PHKB: variants seen among roughly 807,000 people sequenced by gnomAD.
PHKB encodes the protein phosphorylase b kinase regulatory subunit beta.
A neutral mutation model predicts 152.1 loss-of-function variants in PHKB; 122 were observed. That is an observed-to-expected ratio of 0.80 (90% CI 0.69 to 0.93). The LOEUF (loss-of-function observed/expected upper bound fraction) is 0.93, where lower values mean the gene tolerates loss of function less well. Among genes scored for constraint, PHKB ranks in the 40% least tolerant of loss-of-function variants. PHKB has a pLI of 0.00. For synonymous variants in PHKB, 436 were observed against 464.9 expected (o/e 0.94, Z 0.80); for missense variants, 1,304 against 1,328.4 (o/e 0.98, Z 0.29).
rs866003972 is a variant in PHKB, at chr16:47,682,441, T to C, written c.2631-6600T>C. Among the ~76,000 whole-genome samples, 96 of 152,330 alleles carry C rather than the reference T, an allele frequency of 6.3e-4. No individual in the cohort carries two copies. In the Middle Eastern group the frequency reaches 0.014, roughly 22 times the overall value. The stretch of plus-strand genomic sequence containing the variant: ...TGCTCTTTTCACATAGTCCCATATT[T>C]CTTGGAGGCTTTGTTCGTTTCTTTT... On this transcript the variant is annotated intron_variant, in intron 26 of 30. Coordinates refer to ENST00000323584, the MANE Select transcript of PHKB (RefSeq NM_000293.3).
chr16:47,628,754 G>A (rs769021724), intron 14 of PHKB, among the ~76,000 whole-genome samples: 37 of 152,048 alleles, frequency 2.4e-4, no homozygotes, highest in East Asian at 7.7e-4. Flanking sequence ...GAGGCATCAC[G>A]CTACCTGACT....
At chr16:47,507,012 C>T (rs1295565394) in intron 4 of PHKB, among the ~76,000 whole-genome samples, 1 of 152,104 alleles carries the variant, frequency 6.6e-6, no homozygotes, top group East Asian at 1.9e-4. Flanking sequence ...CTCTCTGGGT[C>T]ACCCAGGCTT....
Position 47,547,465 on chromosome 16 carries a change from G to A in PHKB, c.627G>A (p.Val209=), listed in dbSNP as rs752188211. 4 of 1,611,296 alleles carry A rather than the reference G, an allele frequency of 2.5e-6. No homozygotes were observed. The South Asian group carries it at 4.4e-5, about 18-fold the overall frequency. ...VSFIQNLVFC[V]ERVYRVPDFG... ...TTATTCAAAACCTTGTATTTTGTGT[G>A]GAAAGAGTTTACCGTGTGCCTGACT... The change falls in exon 7 of 31, where the codon GTG becomes GTA. Residue 209 remains valine, a synonymous_variant. Transcript: ENST00000323584.
chr16:47,617,132 G>A (rs749577044), intron 14 of PHKB, among the ~76,000 whole-genome samples: 2 of 150,584 alleles, frequency 1.3e-5, no homozygotes, highest in African/African-American at 2.4e-5. Flanking sequence ...CCAGTTTATG[G>A]CCAGATTTGG....
At chr16:47,654,860 A>C (rs1283501618) in intron 20 of PHKB, among the ~76,000 whole-genome samples, 2 of 151,782 alleles carry the variant, frequency 1.3e-5, no homozygotes, top group Admixed American at 6.6e-5. Context: ...CTAAATGACG[A>C]GTTAATGGGT....
At chr16:47,574,217 A>G (rs1362430351) in intron 7 of PHKB, among the ~76,000 whole-genome samples, 1 of 152,030 alleles carries the variant, frequency 6.6e-6, no homozygotes, top group Non-Finnish European at 1.5e-5. Context: ...ATCACTTCTC[A>G]TATGCTCCTT....
chr16:47,518,625 G>A (rs1165040283), intron 6 of PHKB, among the ~76,000 whole-genome samples: 1 of 152,104 alleles, frequency 6.6e-6, no homozygotes, highest in Non-Finnish European at 1.5e-5. Context: ...ATTTCCTAGT[G>A]TCTGTAATAG....
At chr16:47,564,411 A>G (rs1343507183) in intron 7 of PHKB, among the ~76,000 whole-genome samples, 1 of 152,024 alleles carries the variant, frequency 6.6e-6, no homozygotes, top group African/African-American at 2.4e-5. Flanking sequence ...TTTAATATGC[A>G]TTTCCCTGAT....
intron 16 of PHKB, among the ~76,000 whole-genome samples, chr16:47,643,844 T>G (rs1973067971): frequency 6.6e-6 from 1 of 152,172 alleles, no homozygotes; most frequent in South Asian, 2.1e-4. Flanking sequence ...ATATTCATGA[T>G]GTGATGACTG....
intron 7 of PHKB, among the ~76,000 whole-genome samples, chr16:47,572,080 A>C (rs189188006): frequency 7.9e-4 from 120 of 152,296 alleles, no homozygotes; most frequent in African/African-American, 2.8e-3. Flanking sequence ...TCCTCAAGCA[A>C]AACAAATGAT....
chr16:47,481,907 A>G (rs867608408), intron 1 of PHKB, among the ~76,000 whole-genome samples: 9 of 152,290 alleles, frequency 5.9e-5, no homozygotes, highest in Middle Eastern at 3.4e-3. Context: ...AAGACCTTCC[A>G]TGACCTTTTA....
In PHKB at chr16:47,594,173, A is replaced by G; in HGVS notation, c.1163A>G (p.Tyr388Cys). The G allele has an allele frequency of 6.3e-7, 1 of 1,582,816 alleles. No homozygotes were observed. The highest frequency in any genetic ancestry group is 8.7e-7 in the Non-Finnish European group (1 of 1,151,818). Residue 388 changes from tyrosine (Y) to cysteine (C), a missense_variant, in exon 12 of 31, where the codon TAT (tyrosine) becomes TGT (cysteine). By Grantham distance (194) the Tyr-to-Cys change is radical (BLOSUM62 -2). Transcript: ENST00000323584. ...GGCAATCCTAAGCAAGTACAGGAATATCAGGATCTTTTGACTCCAGTACTT... is the reference window on the plus strand; with the variant it reads ...GGCAATCCTAAGCAAGTACAGGAATGTCAGGATCTTTTGACTCCAGTACTT... ...FRGNPKQVQE[Y>C]QDLLTPVLHH... is the part of the protein sequence containing the mutation.
intron 14 of PHKB, among the ~76,000 whole-genome samples, chr16:47,611,687 C>G (rs1307039817): frequency 1.3e-5 from 2 of 152,022 alleles, no homozygotes; most frequent in African/African-American, 4.8e-5. Flanking sequence ...CACACACACA[C>G]AGAGCAATAA....
At position 47,616,703 on chromosome 16, in the gene PHKB, A is replaced by G. The variant is rs552089541; in HGVS notation, c.1458+5783A>G. ...CATATAAATATTATATATTGCCCAGACCAGCTCGGCTGTGTAGAACCTAAC... is the reference window on the plus strand; with the variant it reads ...CATATAAATATTATATATTGCCCAGGCCAGCTCGGCTGTGTAGAACCTAAC... On this transcript the variant is annotated intron_variant, in intron 14 of 30. Coordinates refer to ENST00000323584, the MANE Select transcript of PHKB (RefSeq NM_000293.3). 7.4e-5 allele frequency among the ~76,000 whole-genome samples: 11 copies of G among 149,324 alleles called. No individual in the cohort carries two copies. The Admixed American group carries it at 7.4e-4, about 10-fold the overall frequency.
intron 13 of PHKB, among the ~76,000 whole-genome samples, chr16:47,599,687 CT>C (rs1972186495): frequency 6.6e-6 from 1 of 152,156 alleles, no homozygotes; most frequent in South Asian, 2.1e-4. Flanking sequence ...TCTCTTTTCC[CT>C]GCTGATCTTC....
At chr16:47,652,990 CTT>C (rs35096208) in intron 20 of PHKB, among the ~76,000 whole-genome samples, 6 of 142,102 alleles carry the variant, frequency 4.2e-5, no homozygotes, top group Admixed American at 2.1e-4. Context: ...TGATATTGAG[CTT>C]TTTTTTTTTT....
intron 7 of PHKB, among the ~76,000 whole-genome samples, chr16:47,558,100 T>G: frequency 6.6e-6 from 1 of 150,796 alleles, no homozygotes. Context: ...TGGATGAAAT[T>G]GGAAATCATC....
intron 7 of PHKB, among the ~76,000 whole-genome samples, chr16:47,571,888 G>A (rs537965224): frequency 1.3e-5 from 2 of 152,232 alleles, no homozygotes; most frequent in South Asian, 4.2e-4. Context: ...TTGTCCCAAG[G>A]GGTGTTCCCT....
chr16:47,692,662 T>C (rs1035449927), intron 27 of PHKB, among the ~76,000 whole-genome samples: 6 of 152,076 alleles, frequency 3.9e-5, no homozygotes, highest in African/African-American at 1.2e-4. Flanking sequence ...ATCTGTCCTT[T>C]CTTCAACTTT....
Sources: gnomAD v4.1 joint callset for allele counts (sites outside exome capture counted in the v4.1 genomes callset) on GRCh38, gnomAD v4.1.1 for gene constraint, MANE v1.5 for transcripts, NCBI Gene and HGNC (gene_info 2026-07-23, HGNC 2026-07-21) for gene names.